Variants in PHKG2 observed in about 807,000 individuals in gnomAD.
PHKG2 encodes phosphorylase kinase catalytic subunit gamma 2, also known as phosphorylase b kinase gamma catalytic chain, liver/testis isoform.
A neutral mutation model predicts 44.5 loss-of-function variants in PHKG2; 28 were observed. That is an observed-to-expected ratio of 0.63 (90% CI 0.47 to 0.86). The LOEUF is 0.86. PHKG2 is among the 40% of genes least tolerant of loss of function. The pLI is 0.00. For missense variants in PHKG2, 498 were observed against 547.5 expected (o/e 0.91, Z 0.90); for synonymous variants, 220 against 211.2 (o/e 1.04, Z -0.36).
Position 30,759,595 on chromosome 16 carries a change from C to G in PHKG2, c.*2498C>G, listed in dbSNP as rs751338113. On this transcript the variant is annotated 3_prime_UTR_variant, in exon 10 of 10. Coordinates refer to ENST00000563588, the MANE Select transcript of PHKG2 (RefSeq NM_000294.3). The stretch of plus-strand genomic sequence containing the variant: ...ATAAGGGTGATGAATGTGAGAGAGA[C>G]TGGGTGAGACCTTGTCTGGGGATGG... The G allele has an allele frequency of 3.7e-6, 6 of 1,613,968 alleles. No homozygotes were observed. The Admixed American group carries it at 1.0e-4, about 27-fold the overall frequency.
rs1304439682 is a variant in PHKG2, at chr16:30,761,007, C to T, written c.*3910C>T. The T allele has an allele frequency of 4.6e-6, 3 of 654,046 alleles. No homozygotes were observed. The African/African-American group carries it at 5.5e-5, about 12-fold the overall frequency. 40.5% of individuals were successfully genotyped at this position (654,046 alleles called of 1,614,324 possible). ...CTCCATTTACATTCTGTCTTTGGCT[C>T]TTTTTTTCTCACACTGCCTCCTCTT... On this transcript the variant is annotated 3_prime_UTR_variant, in exon 10 of 10. Transcript: ENST00000563588.
rs749101763 is a variant in PHKG2 at position 30,759,116 on chromosome 16, C to G, written c.*2019C>G. 6.2e-7 allele frequency: 1 copy of G among 1,614,178 alleles called. No homozygotes were observed. ...TTCTTCTTTCTCTGCAAACCAGAAGCAGGAAGAGACTGTGGCCCCAGGCCT... is the reference window on the plus strand; with the variant it reads ...TTCTTCTTTCTCTGCAAACCAGAAGGAGGAAGAGACTGTGGCCCCAGGCCT... On this transcript the variant is annotated 3_prime_UTR_variant, in exon 10 of 10. Coordinates refer to ENST00000563588, the MANE Select transcript of PHKG2 (RefSeq NM_000294.3).
Position 30,756,517 on chromosome 16 carries a change from C to G in PHKG2, c.798C>G (p.Asp266Glu), listed in dbSNP as rs2053429338. 8 of 1,612,998 alleles carry G rather than the reference C, an allele frequency of 5.0e-6. No individual in the cohort carries two copies. In the East Asian group the frequency reaches 1.8e-4, roughly 36 times the overall value. The change falls in exon 8 of 10, where the codon GAC (aspartate) becomes GAG (glutamate). Residue 266 changes from aspartate to glutamate, a missense_variant. By Grantham distance (45) the Asp-to-Glu change is conservative. Coordinates refer to ENST00000563588, the MANE Select transcript of PHKG2 (RefSeq NM_000294.3). ...EWDDRSSTVK[D>E]LISRLLQVDP... The stretch of plus-strand genomic sequence containing the variant: ...ATGACCGTTCCAGCACTGTCAAAGA[C>G]CTGGTGAGCGGGGGCTGAGAGGACA...
chr16:30,751,309 G>C, intron 3 of PHKG2, 28 bp downstream of exon 3: 2 of 1,605,558 alleles, frequency 1.2e-6, no homozygotes, highest in Non-Finnish European at 1.7e-6. Flanking sequence ...GCTCCTGTTA[G>C]CAGACGACCC....
rs755877198 is a variant in PHKG2 at position 30,756,988 on chromosome 16, C to T, written c.1112C>T (p.Ala371Val). 1.1e-5 allele frequency: 17 copies of T among 1,612,136 alleles called. No individual in the cohort carries two copies. The highest frequency in any genetic ancestry group is 3.3e-5 in the Admixed American group (2 of 60,014). Residue 371 changes from alanine to valine, a missense_variant, in exon 10 of 10, where the codon GCG becomes GTG. Transcript: ENST00000563588. ...AAGAAAGGGGAGCAGCAGAACCGGG[C>T]GGCTCTCTTTCAGCACCGGCCCCCT... ...WVKKGEQQNR[A>V]ALFQHRPPGP...
intron 2 of PHKG2, among the ~76,000 whole-genome samples, chr16:30,750,315 C>T (rs1403402265): frequency 1.3e-5 from 2 of 152,130 alleles, no homozygotes; most frequent in African/African-American, 4.8e-5. Flanking sequence ...TGTGGGTGGC[C>T]GAATTCCCAA....
Position 30,756,508 on chromosome 16 carries a change from T to C in PHKG2, c.789T>C (p.Thr263=), listed in dbSNP as rs762482040. The C allele has an allele frequency of 9.7e-5, 156 of 1,613,088 alleles. No homozygotes were observed. The highest frequency in any genetic ancestry group is 1.3e-4 in the Non-Finnish European group (152 of 1,180,006). ...SSPEWDDRSS[T]VKDLISRLLQ... is the part of the protein sequence containing the mutation. ...CCGAGTGGGATGACCGTTCCAGCAC[T>C]GTCAAAGACCTGGTGAGCGGGGGCT... is the stretch of plus-strand genomic sequence containing the variant. Residue 263 remains threonine, a synonymous_variant, in exon 8 of 10, where the codon ACT becomes ACC. Transcript: ENST00000563588.
rs778058702 is a variant in PHKG2, at chr16:30,759,785, C to T, written c.*2688C>T. The T allele has an allele frequency of 1.3e-5, 20 of 1,548,312 alleles. No homozygotes were observed. The highest frequency in any genetic ancestry group is 1.0e-4 in the Admixed American group (5 of 50,076). Reference sequence around the variant, plus strand: ...CTCTGGTATCCATTCATTCACTTCACTCAACAGCTGTTTATGACCATGAGC... The same window carrying T: ...CTCTGGTATCCATTCATTCACTTCATTCAACAGCTGTTTATGACCATGAGC... On this transcript the variant is annotated 3_prime_UTR_variant, in exon 10 of 10. Coordinates refer to ENST00000563588, the MANE Select transcript of PHKG2 (RefSeq NM_000294.3).
chr16:30,750,416 T>G (rs1013503458), intron 2 of PHKG2, among the ~76,000 whole-genome samples: 10 of 152,206 alleles, frequency 6.6e-5, no homozygotes, highest in African/African-American at 2.4e-4. Context: ...AAACAGGATT[T>G]GAGGCTGGAT....
intron 6 of PHKG2, among the ~76,000 whole-genome samples, chr16:30,755,493 G>A (rs192584211): frequency 1.1e-3 from 160 of 152,018 alleles, no homozygotes; most frequent in African/African-American, 3.0e-3. Flanking sequence ...TGGCCAACAC[G>A]GTGAAAGCCT....
At position 30,759,492 on chromosome 16, in the gene PHKG2, A is replaced by C. The variant is rs751429905; in HGVS notation, c.*2395A>C. 1.9e-6 allele frequency: 3 copies of C among 1,614,084 alleles called. No homozygotes were observed. The highest frequency in any genetic ancestry group is 1.7e-4 in the Middle Eastern group (1 of 6,058). On this transcript the variant is annotated 3_prime_UTR_variant, in exon 10 of 10. Coordinates refer to ENST00000563588, the MANE Select transcript of PHKG2 (RefSeq NM_000294.3). ...GTGACTCGGAATTAGAACCCTGACT[A>C]CCTTCCGGAGCCCTGGCTTTGCCTC...
intron 1 of PHKG2, 76 bp from the exon 2 acceptor site, chr16:30,748,726 GC>G: frequency 5.5e-6 from 3 of 543,838 alleles, no homozygotes; most frequent in Non-Finnish European, 6.3e-6. Flanking sequence ...CAAGGGCTGC[GC>G]CCCCGGGAGC....
At position 30,756,509 on chromosome 16, in the gene PHKG2, G is replaced by A; in HGVS notation, c.790G>A (p.Val264Ile). Reference sequence around the variant, plus strand: ...CGAGTGGGATGACCGTTCCAGCACTGTCAAAGACCTGGTGAGCGGGGGCTG... The same window carrying A: ...CGAGTGGGATGACCGTTCCAGCACTATCAAAGACCTGGTGAGCGGGGGCTG... ...SPEWDDRSST[V>I]KDLISRLLQV... The change falls in exon 8 of 10, where the codon GTC (valine) becomes ATC (isoleucine). Residue 264 changes from valine to isoleucine, a missense_variant. By Grantham distance (29) the Val-to-Ile change is conservative. Transcript: ENST00000563588. The A allele has an allele frequency of 6.2e-7, 1 of 1,613,104 alleles. No homozygotes were observed.
intron 6 of PHKG2, among the ~76,000 whole-genome samples, chr16:30,754,435 G>A (rs972957299): frequency 6.6e-6 from 1 of 152,056 alleles, no homozygotes; most frequent in African/African-American, 2.4e-5. Flanking sequence ...AGAAGTGCTG[G>A]GATTACAGGT....
chr16:30,760,211 TC>T lies in PHKG2; in HGVS notation c.*3117del. 6.2e-7 allele frequency: 1 copy of T among 1,611,642 alleles called. No homozygotes were observed. Among genetic ancestry groups the T allele is most frequent in the Non-Finnish European group, 8.5e-7 (1 of 1,179,910 alleles). On this transcript the variant is annotated 3_prime_UTR_variant, in exon 10 of 10. Coordinates refer to ENST00000563588, the MANE Select transcript of PHKG2 (RefSeq NM_000294.3). ...CAGGCAGAAATCCCCTGCTTCTGCT[TC>T]CCATGGTCACTTGTGCCAGGCCCGG...
At chr16:30,754,890 G>A (rs925380942) in intron 6 of PHKG2, 7 of 456,002 alleles carry the variant, frequency 1.5e-5, no homozygotes, top group East Asian at 7.0e-5. Context: ...CAGTGAGCTC[G>A]GTAAGGGCTC....
chr16:30,753,144 C>T (rs1299388184), intron 4 of PHKG2, 88 bp from the exon 5 acceptor site: 4 of 1,049,328 alleles, frequency 3.8e-6, no homozygotes, highest in Non-Finnish European at 5.9e-6. Context: ...TTAGTGGCCT[C>T]TTCCACAATA....
chr16:30,749,151 G>C (rs879241013), intron 2 of PHKG2, among the ~76,000 whole-genome samples: 1,248 of 20,030 alleles, frequency 0.062, 84 homozygotes, highest in Non-Finnish European at 0.13. Flanking sequence ...GGTGCTGGTG[G>C]TGGTGCTGGT....
chr16:30,759,919 A>G lies in PHKG2; in HGVS notation c.*2822A>G. 1.4e-6 allele frequency: 2 copies of G among 1,441,570 alleles called. No individual in the cohort carries two copies. Among genetic ancestry groups the G allele is most frequent in the Non-Finnish European group, 9.1e-7 (1 of 1,102,350 alleles). The allele number at this position is 1,441,570 out of a possible 1,614,324, so 89.3% of individuals were successfully genotyped here. ...ACTGTATGGTTTTCGGCACTGAACA[A>G]GACAGACAAGGTCCTGCCCTTACGA... On this transcript the variant is annotated 3_prime_UTR_variant, in exon 10 of 10. Coordinates refer to ENST00000563588, the MANE Select transcript of PHKG2 (RefSeq NM_000294.3).
Sources: gnomAD v4.1 joint callset for allele counts (sites outside exome capture counted in the v4.1 genomes callset) on GRCh38, gnomAD v4.1.1 for gene constraint, MANE v1.5 for transcripts, NCBI Gene and HGNC (gene_info 2026-07-23, HGNC 2026-07-21) for gene names.